SYTL5: variants seen among roughly 807,000 people sequenced by gnomAD.
The protein encoded by SYTL5 is synaptotagmin like 5, also known as synaptotagmin-like protein 5.
SYTL5 carries 34 observed loss-of-function variants against 55.9 expected under a neutral mutation model. The observed-to-expected ratio is 0.61, with a 90% confidence interval of 0.46 to 0.81. The LOEUF (loss-of-function observed/expected upper bound fraction) is 0.81. Among genes scored for constraint, SYTL5 ranks in the 30% least tolerant of loss-of-function variants. The pLI is 0.00. For synonymous variants in SYTL5, 221 were observed against 188.7 expected (o/e 1.17, Z -1.40); for missense variants, 637 against 546.7 (o/e 1.17, Z -1.65).
intron 3 of SYTL5, 79 bp downstream of exon 3, chrX:38,054,501 A>G: frequency 1.0e-6 from 1 of 964,399 alleles, no homozygotes; most frequent in South Asian, 2.2e-5. Context: ...AGAGAAAAAG[A>G]GTATTTTAAG....
chrX:38,068,419 C>T (rs757489304), intron 3 of SYTL5, among the ~76,000 whole-genome samples: 6 of 112,112 alleles, frequency 5.4e-5, no homozygotes, highest in Non-Finnish European at 1.1e-4. Context: ...CCAGCAATCC[C>T]ATTACTGGGT....
the SYTL5 span, among the ~76,000 whole-genome samples, chrX:37,892,596 G>A: frequency 1.1e-5 from 1 of 91,582 alleles, no homozygotes; most frequent in South Asian, 4.7e-4. Flanking sequence ...ATATTAGTAT[G>A]TATGTATATA....
At chrX:38,123,034 C>T (rs1602420068) in intron 15 of SYTL5, among the ~76,000 whole-genome samples, 2 of 112,373 alleles carry the variant, frequency 1.8e-5, no homozygotes, top group East Asian at 2.8e-4. Flanking sequence ...TTCTTTGAGT[C>T]GGATGGCAAT....
intron 11 of SYTL5, 32 bp downstream of exon 11, chrX:38,106,803 C>T: frequency 9.1e-7 from 1 of 1,102,972 alleles, no homozygotes; most frequent in Non-Finnish European, 1.2e-6. Flanking sequence ...CAGACTATTT[C>T]AGTCACTGCC....
the SYTL5 span, among the ~76,000 whole-genome samples, chrX:37,923,584 C>T: frequency 9.2e-6 from 1 of 109,001 alleles, no homozygotes; most frequent in Non-Finnish European, 1.9e-5. Flanking sequence ...TATATATATA[C>T]AATTCTCAGA....
chrX:38,065,047 C>T (rs1347317583), intron 3 of SYTL5, among the ~76,000 whole-genome samples: 1 of 110,760 alleles, frequency 9.0e-6, no homozygotes, highest in Non-Finnish European at 1.9e-5. Flanking sequence ...TACTGGTATT[C>T]GTATTATATG....
chrX:38,057,627 T>C (rs1347727332), intron 3 of SYTL5, among the ~76,000 whole-genome samples: 1 of 111,815 alleles, frequency 8.9e-6, no homozygotes, highest in African/African-American at 3.2e-5. Flanking sequence ...ATCTTTTAAG[T>C]TCTTTTATTA....
chrX:38,089,414 A>G, intron 6 of SYTL5, 32 bp from the exon 7 acceptor site: 1 of 1,185,796 alleles, frequency 8.4e-7, no homozygotes, highest in Non-Finnish European at 1.1e-6. Flanking sequence ...CTCTGCTTCC[A>G]TGTTAAAGTC....
At chrX:37,993,813 C>T in the SYTL5 span, among the ~76,000 whole-genome samples, 1 of 112,468 alleles carries the variant, frequency 8.9e-6, no homozygotes, top group African/African-American at 3.2e-5. Flanking sequence ...TTCATTGACA[C>T]AATTTTTTGC....
At chrX:38,068,821 A>T (rs996362571) in intron 3 of SYTL5, among the ~76,000 whole-genome samples, 1 of 111,009 alleles carries the variant, frequency 9.0e-6, no homozygotes, top group Non-Finnish European at 1.9e-5. Context: ...TACTATGTTC[A>T]GTACCTAGGC....
At chrX:37,904,876 C>T in the SYTL5 span, among the ~76,000 whole-genome samples, 1 of 110,981 alleles carries the variant, frequency 9.0e-6, no homozygotes, top group Non-Finnish European at 1.9e-5. Flanking sequence ...TCTCTCTGAA[C>T]TCTATAATCC....
chrX:37,963,013 T>C, the SYTL5 span, among the ~76,000 whole-genome samples: 83 of 112,148 alleles, frequency 7.4e-4, 1 homozygote, highest in African/African-American at 2.6e-3. Flanking sequence ...ATTCACTCCT[T>C]CAATCCATTA....
At chrX:38,118,565 G>C (rs1489225731) in intron 13 of SYTL5, among the ~76,000 whole-genome samples, 1 of 111,406 alleles carries the variant, frequency 9.0e-6, no homozygotes, top group Non-Finnish European at 1.9e-5. Context: ...AATGGCAAGT[G>C]GGAGACCTAT....
chrX:38,003,254 T>C (rs1933903837), upstream of SYTL5, among the ~76,000 whole-genome samples: 1 of 111,826 alleles, frequency 8.9e-6, no homozygotes, highest in Admixed American at 9.5e-5. Flanking sequence ...AGTACCATGC[T>C]GTTTTGGTTA....
At chrX:38,110,601 T>G in intron 13 of SYTL5, 119 bp downstream of exon 13, 1 of 541,003 alleles carries the variant, frequency 1.8e-6, no homozygotes, top group South Asian at 6.6e-5. Context: ...TGCAAAAAAT[T>G]AGTGCAGCAA....
the SYTL5 span, among the ~76,000 whole-genome samples, chrX:37,987,954 G>A: frequency 8.9e-5 from 10 of 111,894 alleles, no homozygotes; most frequent in Non-Finnish European, 1.9e-4. Flanking sequence ...CCCTGCCAGA[G>A]TTTCCTGGGA....
the SYTL5 span, among the ~76,000 whole-genome samples, chrX:37,993,390 T>C: frequency 8.9e-6 from 1 of 112,194 alleles, no homozygotes; most frequent in South Asian, 3.7e-4. Flanking sequence ...CATTCCTGGG[T>C]TTAACCAAGC....
At chrX:38,093,450 A>C (rs1021084262) in intron 7 of SYTL5, among the ~76,000 whole-genome samples, 1 of 111,855 alleles carries the variant, frequency 8.9e-6, no homozygotes, top group African/African-American at 3.3e-5. Context: ...CAGTTCTGGA[A>C]AGGTCCAAAA....
the SYTL5 span, among the ~76,000 whole-genome samples, chrX:37,937,308 CAGA>C: frequency 9.0e-6 from 1 of 110,824 alleles, no homozygotes; most frequent in East Asian, 2.8e-4. Context: ...CAACTGCTGG[CAGA>C]AGAAGAGGGC....
Sources: gnomAD v4.1 joint callset for allele counts (sites outside exome capture counted in the v4.1 genomes callset) on GRCh38, gnomAD v4.1.1 for gene constraint, MANE v1.5 for transcripts, NCBI Gene and HGNC (gene_info 2026-07-23, HGNC 2026-07-21) for gene names.